APOBEC3F: variants seen among roughly 807,000 people sequenced by gnomAD.
APOBEC3F encodes the protein apolipoprotein B mRNA editing enzyme catalytic subunit 3F.
APOBEC3F carries 34 observed loss-of-function variants against 45.8 expected under a neutral mutation model. The ratio of observed to expected loss-of-function variants is 0.74; its 90% CI spans 0.57 to 0.99. The LOEUF is 0.99. APOBEC3F is among the 50% of genes least tolerant of loss of function. The probability of loss-of-function intolerance (pLI) is 0.00; values close to 1 mark genes in which losing one functional copy is unlikely to be tolerated. For missense variants in APOBEC3F, 459 were observed against 474.1 expected, an observed-to-expected ratio of 0.97 and a Z score of 0.30; for synonymous variants, 192 against 174.4, an observed-to-expected ratio of 1.10 and a Z score of -0.80.
At chr22:39,049,134 A>G (rs1363611635) in intron 4 of APOBEC3F, among the ~76,000 whole-genome samples, 1 of 152,192 alleles carries the variant, frequency 6.6e-6, no homozygotes, top group African/African-American at 2.4e-5. Flanking sequence ...TTTAGGGCGA[A>G]GAGTTTTATT....
chr22:39,041,099 G>A (rs376924259), intron 1 of APOBEC3F, 122 bp downstream of exon 1: 105 of 1,488,652 alleles, frequency 7.1e-5, no homozygotes, highest in African/African-American at 8.4e-5. Flanking sequence ...CTCCCCTCTG[G>A]CTCCCCTGCC....
chr22:39,040,914 C>A lies in APOBEC3F; in HGVS notation c.-47C>A. 1.9e-6 allele frequency: 3 copies of A among 1,557,974 alleles called. No individual in the cohort carries two copies. The highest frequency in any genetic ancestry group is 2.6e-6 in the Non-Finnish European group (3 of 1,150,172). On this transcript the variant is annotated 5_prime_UTR_variant, in exon 1 of 7. Coordinates refer to ENST00000308521, the MANE Select transcript of APOBEC3F (RefSeq NM_145298.6). The stretch of plus-strand genomic sequence containing the variant: ...CTGGAGCCTGGAGCAGAAAGTGAAA[C>A]CCTGGTGCTCCAGACAAAGATCTTA...
At chr22:39,049,704 T>G in intron 5 of APOBEC3F, 123 bp downstream of exon 5, 1 of 1,113,292 alleles carries the variant, frequency 9.0e-7, no homozygotes, top group Non-Finnish European at 1.2e-6. Context: ...CATTTCTTTT[T>G]TTTTTTTTTT....
At chr22:39,051,501 C>T (rs1235130396) in intron 5 of APOBEC3F, among the ~76,000 whole-genome samples, 1 of 142,684 alleles carries the variant, frequency 7.0e-6, no homozygotes, top group Non-Finnish European at 1.5e-5. Flanking sequence ...CGCGCCACTG[C>T]ACTACAGCAT....
chr22:39,045,779 G>A (rs1927187156), intron 4 of APOBEC3F, among the ~76,000 whole-genome samples: 1 of 152,046 alleles, frequency 6.6e-6, no homozygotes, highest in Non-Finnish European at 1.5e-5. Flanking sequence ...ATCCACCTTC[G>A]AGGCCGCCCT....
Position 39,052,809 on chromosome 22 carries a change from T to C in APOBEC3F, c.*114T>C. On this transcript the variant is annotated 3_prime_UTR_variant, in exon 7 of 7. Coordinates refer to ENST00000308521, the MANE Select transcript of APOBEC3F (RefSeq NM_145298.6). ...TTGCCTGGTCATCCTGAGCCCCTCCTGGCCTCAGGGCCATTCCATAGTGCT... is the reference window on the plus strand; with the variant it reads ...TTGCCTGGTCATCCTGAGCCCCTCCCGGCCTCAGGGCCATTCCATAGTGCT... 1 of 1,507,624 alleles carries C rather than the reference T, an allele frequency of 6.6e-7. No individual in the cohort carries two copies. The highest frequency in any genetic ancestry group is 2.3e-5 in the East Asian group (1 of 43,498). The allele number at this position is 1,507,624 out of a possible 1,614,324, so 93.4% of individuals were successfully genotyped here.
intron 1 of APOBEC3F, 88 bp from the exon 2 acceptor site, chr22:39,042,849 A>G (rs1312921052): frequency 1.1e-5 from 17 of 1,565,022 alleles, no homozygotes; most frequent in Non-Finnish European, 1.5e-5. Context: ...GCCCAGAGCC[A>G]TGCAGGGGGC....
chr22:39,042,518 G>A (rs1363802954), intron 1 of APOBEC3F, among the ~76,000 whole-genome samples: 7 of 152,036 alleles, frequency 4.6e-5, no homozygotes, highest in African/African-American at 1.4e-4. Flanking sequence ...CACCATGTTG[G>A]TGAGACTGGT....
At chr22:39,050,412 A>T (rs1927431029) in intron 5 of APOBEC3F, among the ~76,000 whole-genome samples, 1 of 146,226 alleles carries the variant, frequency 6.8e-6, no homozygotes, top group Admixed American at 6.7e-5. Flanking sequence ...CAGGCAGGAG[A>T]TTTTTTCAGA....
chr22:39,045,548 G>C lies in APOBEC3F; in HGVS notation c.566+6G>C, dbSNP rs1431189792. The C allele has an allele frequency of 6.2e-7, 1 of 1,613,964 alleles. No individual in the cohort carries two copies. Among genetic ancestry groups the C allele is most frequent in the Admixed American group, 1.7e-5 (1 of 60,008 alleles). The stretch of plus-strand genomic sequence containing the variant: ...ACGCTAAAGGAGATTCTCAGGTGAG[G>C]GTCTCCCTCTGGCCTCATCGTCTGT... On this transcript the variant is annotated splice_donor_region_variant and intron_variant, in intron 4 of 6. Coordinates refer to ENST00000308521, the MANE Select transcript of APOBEC3F (RefSeq NM_145298.6).
chr22:39,048,146 G>A (rs578068968), intron 4 of APOBEC3F, among the ~76,000 whole-genome samples: 1 of 152,312 alleles, frequency 6.6e-6, no homozygotes, highest in Admixed American at 6.5e-5. Flanking sequence ...TTATTTTAAA[G>A]TTTAGTAAGA....
intron 1 of APOBEC3F, among the ~76,000 whole-genome samples, chr22:39,041,785 C>T (rs1926909939): frequency 6.6e-6 from 1 of 151,966 alleles, no homozygotes. Flanking sequence ...TCGCTTGAAC[C>T]CAGGAGGCGG....
intron 4 of APOBEC3F, 78 bp downstream of exon 4, chr22:39,045,620 C>G: frequency 6.3e-7 from 1 of 1,599,748 alleles, no homozygotes; most frequent in Non-Finnish European, 8.5e-7. Context: ...CCTGGCCAGG[C>G]CCTCCTGCCC....
At chr22:39,045,320 C>T in intron 3 of APOBEC3F, 100 bp downstream of exon 3, 1 of 1,600,082 alleles carries the variant, frequency 6.2e-7, no homozygotes, top group Non-Finnish European at 8.5e-7. Flanking sequence ...GGGCAGCCTG[C>T]AGGGGCGGGG....
In APOBEC3F at chr22:39,045,668, C is replaced by G. The variant is rs1927182506; in HGVS notation, c.566+126C>G. 5.3e-6 allele frequency: 8 copies of G among 1,501,694 alleles called. No homozygotes were observed. The South Asian group carries it at 7.5e-5, about 14-fold the overall frequency. 93.0% of individuals were successfully genotyped at this position (1,501,694 alleles called of 1,614,324 possible). A position where few individuals can be genotyped will look rare whatever the true frequency, so the allele number is the denominator to read the frequency against. On this transcript the variant is annotated intron_variant, in intron 4 of 6. Coordinates refer to ENST00000308521, the MANE Select transcript of APOBEC3F (RefSeq NM_145298.6). ...CCTGCCTGCCCTCATGGTTACACCCCTCACCCACACTCCTTGTGCTCCTTC... is the reference window on the plus strand; with the variant it reads ...CCTGCCTGCCCTCATGGTTACACCCGTCACCCACACTCCTTGTGCTCCTTC...
In APOBEC3F at chr22:39,053,921, T is replaced by C. The variant is rs906349235; in HGVS notation, c.*1226T>C. The C allele has an allele frequency of 1.3e-5, 2 of 152,218 alleles. No individual in the cohort carries two copies. The highest frequency in any genetic ancestry group is 2.4e-5 in the African/African-American group (1 of 41,452). 9.4% of individuals were successfully genotyped at this position (152,218 alleles called of 1,614,324 possible). ...GCTGTAAGTCTTGGACTCCTTGCTA[T>C]AATCGCAGCTATTCAGCAATGGAAC... On this transcript the variant is annotated 3_prime_UTR_variant, in exon 7 of 7. Transcript: ENST00000308521.
chr22:39,041,078 C>T lies in APOBEC3F; in HGVS notation c.17+101C>T, dbSNP rs1051243774. The T allele has an allele frequency of 9.8e-6, 15 of 1,528,744 alleles. No individual in the cohort carries two copies. In the African/African-American group the frequency reaches 1.5e-4, roughly 15 times the overall value. 94.7% of individuals were successfully genotyped at this position (1,528,744 alleles called of 1,614,324 possible). ...TGGCCTCCCCCTGCCCCAGCCCCAG[C>T]CCTGGGCTCCCTCCCCTCTGGCTCC... is the stretch of plus-strand genomic sequence containing the variant. On this transcript the variant is annotated intron_variant, in intron 1 of 6. Transcript: ENST00000308521.
At position 39,054,488 on chromosome 22, in the gene APOBEC3F, C is replaced by T. The variant is rs1345708666; in HGVS notation, c.*1793C>T. On this transcript the variant is annotated 3_prime_UTR_variant, in exon 7 of 7. Coordinates refer to ENST00000308521, the MANE Select transcript of APOBEC3F (RefSeq NM_145298.6). The stretch of plus-strand genomic sequence containing the variant: ...CTCGTGATCCACCCGTCTCGGCCTC[C>T]CAAAGTGCTGGGATTACAGGCGTGA... 1.3e-5 allele frequency among the ~76,000 whole-genome samples: 2 copies of T among 152,184 alleles called. No individual in the cohort carries two copies. The highest frequency in any genetic ancestry group is 4.8e-5 in the African/African-American group (2 of 41,456).
intron 1 of APOBEC3F, among the ~76,000 whole-genome samples, chr22:39,041,800 T>G (rs958068729): frequency 1.3e-5 from 2 of 151,730 alleles, no homozygotes; most frequent in African/African-American, 4.8e-5. Context: ...AGGCGGAGGT[T>G]GCAGTGAGCC....
Sources: allele counts gnomAD v4.1 joint callset (sites outside exome capture counted in the v4.1 genomes callset), GRCh38; gene constraint gnomAD v4.1.1; transcripts MANE v1.5; gene names NCBI Gene and HGNC (gene_info 2026-07-23, HGNC 2026-07-21).